The following CNTN5 variants were observed in gnomAD, a reference collection of about 807,000 sequenced individuals.
The protein encoded by CNTN5 is contactin 5, also known as contactin-5.
CNTN5 carries 77 observed loss-of-function variants against 129.1 expected under a neutral mutation model. That is an observed-to-expected ratio of 0.60 (90% CI 0.50 to 0.72). The LOEUF (loss-of-function observed/expected upper bound fraction) is 0.72, where lower values mean the gene tolerates loss of function less well. CNTN5 is among the 30% of genes least tolerant of loss of function. CNTN5 has a pLI of 0.00. For missense variants in CNTN5, 1,478 were observed against 1,328.8 expected (o/e 1.11, Z -1.75); for synonymous variants, 509 against 465.6 (o/e 1.09, Z -1.20).
chr11:99,838,029 G>A (rs1196599471), intron 4 of CNTN5, among the ~76,000 whole-genome samples: 1 of 152,044 alleles, frequency 6.6e-6, no homozygotes, highest in Non-Finnish European at 1.5e-5. Flanking sequence ...AAGTTAAATA[G>A]TTATATTAAC....
intron 18 of CNTN5, among the ~76,000 whole-genome samples, chr11:100,290,621 G>T (rs1346953834): frequency 7.1e-6 from 1 of 141,262 alleles, no homozygotes; most frequent in African/African-American, 2.6e-5. Context: ...ATGGATTAAA[G>T]ACTTAAACGT....
At chr11:99,691,252 T>G (rs1954028952) in intron 3 of CNTN5, among the ~76,000 whole-genome samples, 1 of 152,040 alleles carries the variant, frequency 6.6e-6, no homozygotes, top group African/African-American at 2.4e-5. Context: ...CTGTCTTCTT[T>G]AACTCAGCTC....
intron 2 of CNTN5, among the ~76,000 whole-genome samples, chr11:99,389,784 G>A (rs574912502): frequency 4.6e-5 from 7 of 152,130 alleles, no homozygotes; most frequent in Non-Finnish European, 7.3e-5. Flanking sequence ...AATCTGATTA[G>A]AGATTTAAAT....
At chr11:100,247,669 C>G (rs1024144990) in intron 16 of CNTN5, among the ~76,000 whole-genome samples, 9 of 151,980 alleles carry the variant, frequency 5.9e-5, no homozygotes, top group Non-Finnish European at 1.3e-4. Context: ...TACCATACTT[C>G]CTAAATAAGG....
intron 2 of CNTN5, among the ~76,000 whole-genome samples, chr11:99,453,435 G>T (rs987895632): frequency 6.6e-6 from 1 of 152,142 alleles, no homozygotes; most frequent in African/African-American, 2.4e-5. Flanking sequence ...CTCATTACCA[G>T]ATGAATATTT....
At chr11:99,710,570 T>C (rs1236699287) in intron 3 of CNTN5, among the ~76,000 whole-genome samples, 3 of 47,328 alleles carry the variant, frequency 6.3e-5, no homozygotes, top group East Asian at 7.7e-4. Flanking sequence ...TGTGTGCATG[T>C]GTGTGTGTGT....
intron 1 of CNTN5, among the ~76,000 whole-genome samples, chr11:99,303,106 A>C (rs1382654957): frequency 6.6e-6 from 1 of 151,772 alleles, no homozygotes; most frequent in African/African-American, 2.4e-5. Flanking sequence ...CATGAACCAT[A>C]AAGTTTTATG....
intron 17 of CNTN5, among the ~76,000 whole-genome samples, chr11:100,268,427 G>A (rs986896394): frequency 7.9e-5 from 12 of 152,032 alleles, no homozygotes; most frequent in Non-Finnish European, 1.3e-4. Flanking sequence ...AGCCAAAGGC[G>A]GCAGAATGAA....
chr11:99,609,471 A>T (rs1591356376), intron 3 of CNTN5, among the ~76,000 whole-genome samples: 1 of 152,162 alleles, frequency 6.6e-6, no homozygotes, highest in Non-Finnish European at 1.5e-5. Flanking sequence ...GTTATGGCTG[A>T]TGCCTAATGT....
At chr11:99,970,391 A>G (rs1360970184) in intron 8 of CNTN5, among the ~76,000 whole-genome samples, 1 of 152,190 alleles carries the variant, frequency 6.6e-6, no homozygotes, top group Non-Finnish European at 1.5e-5. Context: ...TTAAACTACA[A>G]TCTATTTGCC....
At chr11:99,283,960 A>G (rs938051845) in intron 1 of CNTN5, among the ~76,000 whole-genome samples, 3 of 152,200 alleles carry the variant, frequency 2.0e-5, no homozygotes, top group Non-Finnish European at 4.4e-5. Flanking sequence ...GGACATATGT[A>G]TTAAAAACAT....
chr11:99,915,822 G>C (rs1748217998), intron 6 of CNTN5, among the ~76,000 whole-genome samples: 1 of 152,098 alleles, frequency 6.6e-6, no homozygotes, highest in Non-Finnish European at 1.5e-5. Flanking sequence ...CAACTTGAAT[G>C]GACTGTAAAT....
At chr11:99,261,131 G>A (rs1043659733) in intron 1 of CNTN5, among the ~76,000 whole-genome samples, 17 of 151,786 alleles carry the variant, frequency 1.1e-4, no homozygotes, top group Non-Finnish European at 2.2e-4. Context: ...TATTATAAAA[G>A]ATCTGTAATA....
intron 6 of CNTN5, among the ~76,000 whole-genome samples, chr11:99,903,472 T>A (rs940344655): frequency 5.9e-5 from 9 of 152,066 alleles, no homozygotes; most frequent in African/African-American, 1.9e-4. Context: ...TTGAAAAGCA[T>A]AATGTTATAC....
At chr11:100,335,739 G>T (rs564664041) in intron 21 of CNTN5, among the ~76,000 whole-genome samples, 1 of 150,906 alleles carries the variant, frequency 6.6e-6, no homozygotes, top group South Asian at 2.1e-4. Flanking sequence ...TTACACTCCA[G>T]CCTGGGCAAT....
chr11:99,758,723 T>C (rs1404817194), intron 3 of CNTN5, among the ~76,000 whole-genome samples: 3 of 152,036 alleles, frequency 2.0e-5, no homozygotes, highest in East Asian at 1.9e-4. Context: ...AGAAAGTATA[T>C]TGGGGAAAGA....
intron 3 of CNTN5, among the ~76,000 whole-genome samples, chr11:99,731,372 T>A: frequency 6.6e-6 from 1 of 152,146 alleles, no homozygotes. Context: ...GTTTATCTTT[T>A]CTTACAACTT....
intron 18 of CNTN5, among the ~76,000 whole-genome samples, chr11:100,293,233 T>C (rs1264171234): frequency 6.6e-6 from 1 of 151,874 alleles, no homozygotes; most frequent in Non-Finnish European, 1.5e-5. Flanking sequence ...CCATTCATTT[T>C]GTACACTCAC....
In CNTN5 at chr11:100,331,834, C is replaced by A. The variant is rs1951912891; in HGVS notation, c.2731-8629C>A. Among the ~76,000 whole-genome samples, 4 of 151,790 alleles carry A rather than the reference C, an allele frequency of 2.6e-5. No individual in the cohort carries two copies. In the South Asian group the frequency reaches 8.3e-4, roughly 31 times the overall value. On this transcript the variant is annotated intron_variant, in intron 21 of 24. Coordinates refer to ENST00000524871, the MANE Select transcript of CNTN5 (RefSeq NM_014361.4). ...CAAAACCTCTGAGATACAGAAAAAA[C>A]TAAGAGATAAGAAGAAAGTTCATAG...
Sources: allele counts gnomAD v4.1 joint callset (sites outside exome capture counted in the v4.1 genomes callset), GRCh38; gene constraint gnomAD v4.1.1; transcripts MANE v1.5; gene names NCBI Gene and HGNC (gene_info 2026-07-23, HGNC 2026-07-21).